Variants in GRIA4 observed in about 807,000 individuals in gnomAD.
GRIA4 encodes the protein glutamate ionotropic receptor AMPA type subunit 4, also known as glutamate receptor 4.
Under a neutral mutation model 104.0 loss-of-function variants are expected in GRIA4, and 34 were observed. That is an observed-to-expected ratio of 0.33 (90% CI 0.25 to 0.44). GRIA4 has a LOEUF of 0.44. Among genes scored for constraint, GRIA4 ranks in the 20% least tolerant of loss-of-function variants. The probability of loss-of-function intolerance (pLI) is 1.00; values close to 1 mark genes in which losing one functional copy is unlikely to be tolerated. For synonymous variants in GRIA4, 386 were observed against 381.9 expected (o/e 1.01, Z -0.13); for missense variants, 750 against 1,096.5 (o/e 0.68, Z 4.46).
intron 4 of GRIA4, among the ~76,000 whole-genome samples, chr11:105,759,529 C>T (rs1195716348): frequency 6.6e-6 from 1 of 152,110 alleles, no homozygotes; most frequent in Non-Finnish European, 1.5e-5. Context: ...TCTCATTACT[C>T]TTCATATAAA....
chr11:105,892,232 C>T (rs1946482483), intron 6 of GRIA4, among the ~76,000 whole-genome samples: 1 of 152,108 alleles, frequency 6.6e-6, no homozygotes, highest in African/African-American at 2.4e-5. Context: ...CACTCCTCTA[C>T]CAGTCAAATA....
chr11:105,642,364 A>G (rs1815410253), intron 3 of GRIA4, among the ~76,000 whole-genome samples: 1 of 152,054 alleles, frequency 6.6e-6, no homozygotes, highest in Non-Finnish European at 1.5e-5. Flanking sequence ...GCTTGTATGT[A>G]CACTTTGAGT....
At chr11:105,893,381 T>C (rs1009375853) in intron 6 of GRIA4, among the ~76,000 whole-genome samples, 1 of 152,150 alleles carries the variant, frequency 6.6e-6, no homozygotes, top group African/African-American at 2.4e-5. Flanking sequence ...CAATTTTCTA[T>C]ATGAAATTGT....
In GRIA4 at chr11:105,916,956, T is replaced by TA. The variant is rs945133423; in HGVS notation, c.1270-1748dup. On this transcript the variant is annotated intron_variant, in intron 10 of 16. Transcript: ENST00000282499. ...CTTCCATATTTTAAAAAGGTTATTTTAAAAAAAAGAGAAAATATAAGAATT... is the reference window on the plus strand; with the variant it reads ...CTTCCATATTTTAAAAAGGTTATTTTAAAAAAAAAGAGAAAATATAAGAATT... Among the ~76,000 whole-genome samples the TA allele has an allele frequency of 1.1e-4, 17 of 152,038 alleles. No individual in the cohort carries two copies. In the South Asian group the frequency reaches 1.2e-3, roughly 11 times the overall value.
intron 3 of GRIA4, among the ~76,000 whole-genome samples, chr11:105,713,333 G>GATTGCACC (rs1953981091): frequency 6.6e-6 from 1 of 151,680 alleles, no homozygotes; most frequent in Admixed American, 6.6e-5. Flanking sequence ...AGTGAGCTGA[G>GATTGCACC]ATTGCACCAC....
intron 3 of GRIA4, among the ~76,000 whole-genome samples, chr11:105,735,332 G>C (rs1366238913): frequency 6.6e-6 from 1 of 152,180 alleles, no homozygotes; most frequent in East Asian, 1.9e-4. Context: ...ATCAGCAAAA[G>C]AGAAAGGATA....
At chr11:105,972,668 A>G (rs1858758461) in intron 15 of GRIA4, among the ~76,000 whole-genome samples, 1 of 152,188 alleles carries the variant, frequency 6.6e-6, no homozygotes, top group South Asian at 2.1e-4. Context: ...AATGCAGGAA[A>G]AAAATAAAAA....
chr11:105,808,666 T>C (rs1317294999), intron 4 of GRIA4, among the ~76,000 whole-genome samples: 1 of 152,082 alleles, frequency 6.6e-6, no homozygotes, highest in East Asian at 1.9e-4. Context: ...ATCAAAAATA[T>C]ATTTAAGTCC....
chr11:105,954,929 T>TATAA (rs1491236831), intron 14 of GRIA4, among the ~76,000 whole-genome samples: 3 of 140,740 alleles, frequency 2.1e-5, no homozygotes, highest in Non-Finnish European at 4.6e-5. Flanking sequence ...TATATATATA[T>TATAA]AATGCCATAT....
intron 14 of GRIA4, chr11:105,945,437 T>G (rs1948283921): frequency 1.2e-6 from 1 of 812,506 alleles, no homozygotes. Context: ...TCTATTATTG[T>G]TTAACTTTGG....
chr11:105,776,711 A>C (rs192675823), intron 4 of GRIA4, among the ~76,000 whole-genome samples: 1 of 152,230 alleles, frequency 6.6e-6, no homozygotes, highest in East Asian at 1.9e-4. Flanking sequence ...AAAGTCCCAA[A>C]GATTACTGCA....
intron 14 of GRIA4, among the ~76,000 whole-genome samples, chr11:105,936,121 T>C (rs1266136565): frequency 6.6e-6 from 1 of 152,030 alleles, no homozygotes; most frequent in Admixed American, 6.6e-5. Flanking sequence ...TCACCCCACC[T>C]CCTCTCTGTC....
chr11:105,706,362 C>A (rs866480462), intron 3 of GRIA4: 4 of 152,674 alleles, frequency 2.6e-5, no homozygotes, highest in Admixed American at 6.5e-5. Context: ...GGTTCCTCAT[C>A]TCAACTGGGC....
chr11:105,696,471 T>C (rs767723377), intron 3 of GRIA4, among the ~76,000 whole-genome samples: 3 of 152,230 alleles, frequency 2.0e-5, no homozygotes, highest in African/African-American at 7.2e-5. Context: ...AGTTGTTATA[T>C]ATAGTCATTA....
chr11:105,845,992 T>C (rs1283863524), intron 4 of GRIA4, among the ~76,000 whole-genome samples: 1 of 152,234 alleles, frequency 6.6e-6, no homozygotes, highest in Non-Finnish European at 1.5e-5. Context: ...AAACACTCAG[T>C]AAATGTTTAC....
intron 14 of GRIA4, among the ~76,000 whole-genome samples, chr11:105,950,341 G>A (rs1948427394): frequency 6.6e-6 from 1 of 152,148 alleles, no homozygotes; most frequent in African/African-American, 2.4e-5. Context: ...ATTGGCTAGA[G>A]GAAAGGAAGG....
intron 4 of GRIA4, 131 bp downstream of exon 4, chr11:105,753,351 T>C: frequency 1.2e-6 from 1 of 823,932 alleles, no homozygotes; most frequent in South Asian, 1.7e-5. Flanking sequence ...TTGATGTGTA[T>C]TTTTATCTTG....
chr11:105,888,981 T>C (rs1430268665), intron 6 of GRIA4, among the ~76,000 whole-genome samples: 1 of 152,030 alleles, frequency 6.6e-6, no homozygotes, highest in Admixed American at 6.6e-5. Flanking sequence ...TTAATTACTA[T>C]AAGAGAAAAA....
chr11:105,697,904 G>A (rs1367503059), intron 3 of GRIA4, among the ~76,000 whole-genome samples: 4 of 152,118 alleles, frequency 2.6e-5, no homozygotes, highest in Non-Finnish European at 5.9e-5. Flanking sequence ...GCTTTCATCA[G>A]CTTTTCAAAG....
Sources: gnomAD v4.1 joint callset for allele counts (sites outside exome capture counted in the v4.1 genomes callset) on GRCh38, gnomAD v4.1.1 for gene constraint, MANE v1.5 for transcripts, NCBI Gene and HGNC (gene_info 2026-07-23, HGNC 2026-07-21) for gene names.